The following EPS15L1 variants were observed in gnomAD, a reference collection of about 807,000 sequenced individuals.
EPS15L1 encodes the protein epidermal growth factor receptor pathway substrate 15 like 1.
EPS15L1 carries 43 observed loss-of-function variants against 117.1 expected under a neutral mutation model. That is an observed-to-expected ratio of 0.37 (90% CI 0.29 to 0.47). The LOEUF (loss-of-function observed/expected upper bound fraction) is 0.47, where lower values mean the gene tolerates loss of function less well. Among genes scored for constraint, EPS15L1 ranks in the 20% least tolerant of loss-of-function variants. The pLI, the probability that EPS15L1 is intolerant of heterozygous loss-of-function variation, is 0.99. For missense variants in EPS15L1, 981 were observed against 1,164.0 expected (o/e 0.84, Z 2.29); for synonymous variants, 459 against 470.5 (o/e 0.98, Z 0.32).
At chr19:16,426,869 T>G (rs1227245876) in intron 8 of EPS15L1, among the ~76,000 whole-genome samples, 1 of 152,116 alleles carries the variant, frequency 6.6e-6, no homozygotes, top group Non-Finnish European at 1.5e-5. Context: ...ATATAAGGGG[T>G]ATATACAGGA....
intron 20 of EPS15L1, among the ~76,000 whole-genome samples, chr19:16,385,517 G>A (rs989959660): frequency 2.0e-5 from 3 of 152,202 alleles, no homozygotes; most frequent in African/African-American, 7.2e-5. Context: ...TGGGTCAGGA[G>A]GCGAGGAGCA....
At chr19:16,382,503 C>T (rs987517064) in intron 21 of EPS15L1, among the ~76,000 whole-genome samples, 1 of 152,164 alleles carries the variant, frequency 6.6e-6, no homozygotes, top group African/African-American at 2.4e-5. Flanking sequence ...AGTTGAAGAA[C>T]TGGTTCAAAA....
At chr19:16,428,605 G>T (rs1370888044) in intron 8 of EPS15L1, 97 bp downstream of exon 8, 13 of 791,084 alleles carry the variant, frequency 1.6e-5, no homozygotes, top group Admixed American at 2.9e-5. Flanking sequence ...AAAGAAAAAA[G>T]AAAAGAAAAA....
chr19:16,365,126 C>T lies in EPS15L1; in HGVS notation c.2381-3142G>A, dbSNP rs1018825311. 3.3e-5 allele frequency among the ~76,000 whole-genome samples: 5 copies of T among 152,224 alleles called. No homozygotes were observed. Among genetic ancestry groups the T allele is most frequent in the African/African-American group, 1.2e-4 (5 of 41,454 alleles). ...GCCTTCTCAGGGAAGAAATGGCAGCCCCTTCCCCATCATGCCTGTGTTCAG... is the reference window on the plus strand; with the variant it reads ...GCCTTCTCAGGGAAGAAATGGCAGCTCCTTCCCCATCATGCCTGTGTTCAG... On this transcript the variant is annotated intron_variant, in intron 22 of 23. Transcript: ENST00000455140. This position sits in a 1 kb window ranked among gnomAD's most constrained non-coding sequence, Gnocchi z 4.9.
intron 6 of EPS15L1, among the ~76,000 whole-genome samples, chr19:16,435,531 A>AT: frequency 6.6e-6 from 1 of 152,110 alleles, no homozygotes; most frequent in Admixed American, 6.6e-5. Context: ...CACAATAAAA[A>AT]TTTTTTAATT....
chr19:16,379,371 G>C (rs2092334661), intron 21 of EPS15L1, among the ~76,000 whole-genome samples: 1 of 152,176 alleles, frequency 6.6e-6, no homozygotes, highest in Admixed American at 6.5e-5. Flanking sequence ...GATCAGAGTG[G>C]GGCAGAGGTG....
At chr19:16,386,920 A>G (rs1039718795) in intron 19 of EPS15L1, among the ~76,000 whole-genome samples, 22 of 152,224 alleles carry the variant, frequency 1.4e-4, no homozygotes, top group African/African-American at 4.8e-4. Context: ...AACAGACTAC[A>G]GTCTCTACAC....
In EPS15L1 at chr19:16,471,517, G is replaced by A. The variant is rs1702236342; in HGVS notation, c.33+396C>T. 6.6e-6 allele frequency among the ~76,000 whole-genome samples: 1 copy of A among 152,290 alleles called. No individual in the cohort carries two copies. Among genetic ancestry groups the A allele is most frequent in the East Asian group, 1.9e-4 (1 of 5,174 alleles). On this transcript the variant is annotated intron_variant, in intron 1 of 23. Transcript: ENST00000455140. This position sits in a 1 kb window ranked among gnomAD's most constrained non-coding sequence, Gnocchi z 4.8. ...GCTCCGGCGGGACCCTGCCCGCCCG[G>A]GCGCCGGGACCGGAGGGAGACAAAG... is the stretch of plus-strand genomic sequence containing the variant.
chr19:16,434,452 G>C lies in EPS15L1; in HGVS notation c.411C>G (p.Ser137Arg). 1 of 1,614,078 alleles carries C rather than the reference G, an allele frequency of 6.2e-7. No individual in the cohort carries two copies. The highest frequency in any genetic ancestry group is 8.5e-7 in the Non-Finnish European group (1 of 1,179,990). Residue 137 changes from serine (S) to arginine (R), a missense_variant, in exon 7 of 24, where the codon AGC becomes AGG. Transcript: ENST00000455140. ...EKAKFDGIFESLLPINGLLSG... is the reference protein window; with the variant it reads ...EKAKFDGIFERLLPINGLLSG... ...AGAGCAAACCATTGATGGGCAAGAGGCTTTCAAAAATCCCATCAAATTTGG... is the reference window on the plus strand; with the variant it reads ...AGAGCAAACCATTGATGGGCAAGAGCCTTTCAAAAATCCCATCAAATTTGG...
chr19:16,453,374 G>A (rs772427510), intron 1 of EPS15L1, among the ~76,000 whole-genome samples: 40 of 152,136 alleles, frequency 2.6e-4, no homozygotes, highest in African/African-American at 9.7e-4. Flanking sequence ...CACGGTGCTG[G>A]GATTATAGGT....
At chr19:16,465,948 G>C (rs1233671471) in intron 1 of EPS15L1, among the ~76,000 whole-genome samples, 1 of 151,558 alleles carries the variant, frequency 6.6e-6, no homozygotes. Context: ...GTACAAACTT[G>C]GGCAAGGGAC....
chr19:16,471,982 G>C (rs1208056112), upstream of EPS15L1: 2 of 1,261,934 alleles, frequency 1.6e-6, no homozygotes, highest in Non-Finnish European at 2.0e-6. The surrounding 1 kb of genome is among the most constrained non-coding windows in gnomAD (Gnocchi z 4.8). Flanking sequence ...CCGGGGGAAC[G>C]GGGGCGGGGC....
Position 16,471,200 on chromosome 19 carries a change from G to A in EPS15L1, c.33+713C>T, listed in dbSNP as rs2093343660. 6.6e-6 allele frequency among the ~76,000 whole-genome samples: 1 copy of A among 152,218 alleles called. No individual in the cohort carries two copies. The highest frequency in any genetic ancestry group is 2.1e-4 in the South Asian group (1 of 4,836). On this transcript the variant is annotated intron_variant, in intron 1 of 23. Coordinates refer to ENST00000455140, the MANE Select transcript of EPS15L1 (RefSeq NM_001258374.3). The surrounding 1 kb of genome is among the most constrained non-coding windows in gnomAD (Gnocchi z 4.8). ...CTCCAGGAAAGCAGCGACCTTGTCT[G>A]TCTGGAAGAATGCAGCGCTCCCAGC...
At chr19:16,436,580 T>C (rs2092980628) in intron 6 of EPS15L1, 1 of 197,606 alleles carries the variant, frequency 5.1e-6, no homozygotes, top group Admixed American at 5.6e-5. Context: ...GCTCTCACCG[T>C]TTCCTCTTCT....
intron 10 of EPS15L1, among the ~76,000 whole-genome samples, chr19:16,419,577 G>A (rs1299797091): frequency 1.3e-5 from 2 of 151,956 alleles, no homozygotes; most frequent in Admixed American, 6.6e-5. Flanking sequence ...CCCTCTCAAC[G>A]AGGGACCTCG....
chr19:16,454,780 G>A (rs147059646), intron 1 of EPS15L1, among the ~76,000 whole-genome samples: 5 of 152,114 alleles, frequency 3.3e-5, no homozygotes, highest in South Asian at 2.1e-4. Context: ...CAGGAAGGTC[G>A]TCAGAACACA....
chr19:16,420,224 T>C (rs143967181), intron 10 of EPS15L1, among the ~76,000 whole-genome samples: 15 of 152,346 alleles, frequency 9.8e-5, no homozygotes, highest in African/African-American at 3.6e-4. Context: ...GAGTTCCTTC[T>C]TTTGATCCAG....
chr19:16,402,563 A>G, intron 15 of EPS15L1, 78 bp from the exon 16 acceptor site: 4 of 1,336,842 alleles, frequency 3.0e-6, no homozygotes, highest in Non-Finnish European at 4.1e-6. Context: ...TTTTTAAAAC[A>G]CAGGGTCTCA....
At chr19:16,376,187 A>C (rs572283595) in intron 22 of EPS15L1, among the ~76,000 whole-genome samples, 1 of 152,354 alleles carries the variant, frequency 6.6e-6, no homozygotes, top group Non-Finnish European at 1.5e-5. Flanking sequence ...GTGGCTGCCC[A>C]CAATTCAGGG....
Sources: gnomAD v4.1 joint callset for allele counts (sites outside exome capture counted in the v4.1 genomes callset) on GRCh38, gnomAD v4.1.1 for gene constraint, Gnocchi (gnomAD v3.1) non-coding constraint, MANE v1.5 for transcripts, NCBI Gene and HGNC (gene_info 2026-07-23, HGNC 2026-07-21) for gene names.